Variants in PPP4R3B observed in about 807,000 individuals in gnomAD.
PPP4R3B encodes the protein protein phosphatase 4 regulatory subunit 3B, also known as serine/threonine-protein phosphatase 4 regulatory subunit 3B.
A neutral mutation model predicts 95.4 loss-of-function variants in PPP4R3B; 52 were observed. The observed-to-expected ratio is 0.54, with a 90% confidence interval of 0.44 to 0.69. The LOEUF is 0.69. Among genes scored for constraint, PPP4R3B ranks in the 30% least tolerant of loss-of-function variants. The pLI is 0.00. For synonymous variants in PPP4R3B, 407 were observed against 343.9 expected (o/e 1.18, Z -2.03); for missense variants, 1,003 against 1,005.9 (o/e 1.00, Z 0.04).
At chr2:55,595,265 C>T (rs997236790) in intron 4 of PPP4R3B, among the ~76,000 whole-genome samples, 5 of 151,042 alleles carry the variant, frequency 3.3e-5, no homozygotes, top group Admixed American at 3.3e-4. Context: ...CACAAGTGAT[C>T]CTCCTGGCCT....
At chr2:55,586,426 C>T (rs1574814802) in intron 6 of PPP4R3B, among the ~76,000 whole-genome samples, 192 bp downstream of exon 6, 1 of 152,120 alleles carries the variant, frequency 6.6e-6, no homozygotes, top group South Asian at 2.1e-4. Flanking sequence ...CTTGAAAGCA[C>T]ACTATATGCA....
intron 11 of PPP4R3B, among the ~76,000 whole-genome samples, chr2:55,576,613 A>G (rs993257856): frequency 2.7e-5 from 4 of 148,002 alleles, no homozygotes; most frequent in Non-Finnish European, 1.5e-5. Flanking sequence ...GAGGCAGAAG[A>G]ATCGCTTGAA....
At position 55,547,450 on chromosome 2, in the gene PPP4R3B, C is replaced by T. The variant is rs1318879133; in HGVS notation, c.*2461G>A. The T allele has an allele frequency of 1.3e-5, 2 of 152,168 alleles. No individual in the cohort carries two copies. The highest frequency in any genetic ancestry group is 4.8e-5 in the African/African-American group (2 of 41,418). 9.4% of individuals were successfully genotyped at this position (152,168 alleles called of 1,614,324 possible). A position where few individuals can be genotyped will look rare whatever the true frequency, so the allele number is the denominator to read the frequency against. On this transcript the variant is annotated 3_prime_UTR_variant, in exon 17 of 17. Transcript: ENST00000616407. ...AAACCCAGATCTGCCTGAGGGTAGT[C>T]GTTTAAAGACAGCCGCTAACATGGA...
chr2:55,610,433 C>A (rs1224197982), intron 2 of PPP4R3B, among the ~76,000 whole-genome samples: 1 of 152,062 alleles, frequency 6.6e-6, no homozygotes, highest in African/African-American at 2.4e-5. Context: ...GGGGGAGAAA[C>A]CACTGCTACA....
chr2:55,573,715 G>A lies in PPP4R3B; in HGVS notation c.1669C>T (p.His557Tyr). ...ILELLTFCVEHHTYHIKNYIM... is the reference protein window; with the variant it reads ...ILELLTFCVEYHTYHIKNYIM... Reference sequence around the variant, plus strand: ...TAGTTTTTTATGTGATATGTGTGATGTTCCACACAAAATGTGAGTAACTCT... The same window carrying A: ...TAGTTTTTTATGTGATATGTGTGATATTCCACACAAAATGTGAGTAACTCT... Residue 557 changes from histidine to tyrosine, a missense_variant, in exon 12 of 17, where the codon CAT (histidine) becomes TAT (tyrosine). His to Tyr is a moderately conservative substitution (Grantham distance 83). This residue lies in a region of PPP4R3B where 695 missense variants were observed against 686.2 expected (regional missense o/e 1.01). Coordinates refer to ENST00000616407, the MANE Select transcript of PPP4R3B (RefSeq NM_001122964.3). 1 of 1,544,544 alleles carries A rather than the reference G, an allele frequency of 6.5e-7. No homozygotes were observed. The highest frequency in any genetic ancestry group is 2.5e-5 in the East Asian group (1 of 40,594).
chr2:55,617,040 G>T, intron 1 of PPP4R3B, 104 bp downstream of exon 1: 1 of 1,345,682 alleles, frequency 7.4e-7, no homozygotes, highest in Non-Finnish European at 1.0e-6. Flanking sequence ...GAACCAACGC[G>T]CTGTCCCGAA....
intron 16 of PPP4R3B, among the ~76,000 whole-genome samples, chr2:55,557,705 T>C (rs1686030834): frequency 6.6e-6 from 1 of 152,204 alleles, no homozygotes; most frequent in East Asian, 1.9e-4. Flanking sequence ...CAAGATGCAT[T>C]CCTTTAATTA....
chr2:55,598,719 C>T lies in PPP4R3B; in HGVS notation c.618G>A (p.Lys206=). The change falls in exon 4 of 17, where the codon AAG becomes AAA. Residue 206 remains lysine (K), a synonymous_variant. Transcript: ENST00000616407. ...AAAACATTACCTCAAAAAGAGTTGCCTTATTTAGGAATAAGATTCCTCTAA... is the reference window on the plus strand; with the variant it reads ...AAAACATTACCTCAAAAAGAGTTGCTTTATTTAGGAATAAGATTCCTCTAA... The part of the protein sequence containing the change: ...EIIRGILFLN[K]ATLFEVMFSD... The T allele has an allele frequency of 6.2e-7, 1 of 1,614,196 alleles. No homozygotes were observed. The highest frequency in any genetic ancestry group is 1.1e-5 in the South Asian group (1 of 91,092).
intron 4 of PPP4R3B, among the ~76,000 whole-genome samples, 192 bp from the exon 5 acceptor site, chr2:55,589,148 C>T (rs1690601859): frequency 1.3e-5 from 2 of 149,052 alleles, no homozygotes; most frequent in African/African-American, 4.9e-5. Flanking sequence ...GTTATAAATA[C>T]ATCAATATCT....
chr2:55,573,201 A>AG (rs1245927405), intron 12 of PPP4R3B, among the ~76,000 whole-genome samples: 4 of 152,128 alleles, frequency 2.6e-5, no homozygotes, highest in African/African-American at 9.7e-5. Flanking sequence ...ATTTGGAGGG[A>AG]GGATGTTTCT....
At chr2:55,564,737 T>C (rs1319951178) in intron 14 of PPP4R3B, among the ~76,000 whole-genome samples, 165 bp downstream of exon 14, 2 of 152,156 alleles carry the variant, frequency 1.3e-5, no homozygotes, top group African/African-American at 2.4e-5. Context: ...TAATTCAACA[T>C]ATAAATGATA....
intron 8 of PPP4R3B, among the ~76,000 whole-genome samples, chr2:55,580,171 A>G (rs971105248): frequency 6.6e-6 from 1 of 152,168 alleles, no homozygotes; most frequent in Non-Finnish European, 1.5e-5. Context: ...GAACCAATCT[A>G]TTGTACAACA....
intron 15 of PPP4R3B, among the ~76,000 whole-genome samples, chr2:55,562,422 C>G (rs766964733): frequency 6.6e-6 from 1 of 152,114 alleles, no homozygotes; most frequent in African/African-American, 2.4e-5. Context: ...GACTCCATCT[C>G]AAAAAGCAAA....
In PPP4R3B at chr2:55,564,344, A is replaced by G. The variant is rs759059901; in HGVS notation, c.2229T>C (p.Asp743=). ...TAGTCTCCATAAACTTTTCATAATT[A>G]TCTGGAAAATCATCTTCTGGCTTAG... ...EKPKPEDDFP[D]NYEKFMETKK... Residue 743 remains aspartate, a synonymous_variant, in exon 15 of 17, where the codon GAT becomes GAC. Coordinates refer to ENST00000616407, the MANE Select transcript of PPP4R3B (RefSeq NM_001122964.3). The G allele has an allele frequency of 1.2e-6, 2 of 1,613,246 alleles. No individual in the cohort carries two copies. The highest frequency in any genetic ancestry group is 1.7e-6 in the Non-Finnish European group (2 of 1,179,738).
intron 3 of PPP4R3B, among the ~76,000 whole-genome samples, chr2:55,602,927 C>A (rs1285530635): frequency 1.3e-5 from 2 of 151,566 alleles, no homozygotes; most frequent in Admixed American, 1.3e-4. Flanking sequence ...CAGTAATAAA[C>A]AAATTTCCAC....
chr2:55,556,447 T>C (rs992285830), intron 16 of PPP4R3B, among the ~76,000 whole-genome samples: 9 of 151,962 alleles, frequency 5.9e-5, no homozygotes, highest in African/African-American at 1.9e-4. Flanking sequence ...AAATGAATAG[T>C]AGGATATAAA....
chr2:55,592,750 T>C, intron 4 of PPP4R3B, among the ~76,000 whole-genome samples: 1 of 152,220 alleles, frequency 6.6e-6, no homozygotes, highest in East Asian at 1.9e-4. Context: ...ATGTCAACAT[T>C]TGAGATTCCT....
chr2:55,581,778 A>T, intron 7 of PPP4R3B, 80 bp from the exon 8 acceptor site: 1 of 1,453,898 alleles, frequency 6.9e-7, no homozygotes, highest in Admixed American at 2.2e-5. Flanking sequence ...CAACTGAAAG[A>T]GCAAAGTGAG....
intron 12 of PPP4R3B, among the ~76,000 whole-genome samples, chr2:55,570,187 T>C (rs1574735326): frequency 6.6e-6 from 1 of 151,986 alleles, no homozygotes; most frequent in African/African-American, 2.4e-5. Context: ...GAGGTGGAGG[T>C]TGCAGTGAGC....
Sources: allele counts gnomAD v4.1 joint callset (sites outside exome capture counted in the v4.1 genomes callset), GRCh38; gene constraint gnomAD v4.1.1; regional missense constraint gnomAD v4.1.1; transcripts MANE v1.5; gene names NCBI Gene and HGNC (gene_info 2026-07-23, HGNC 2026-07-21).